Variants in KIF26B observed in about 807,000 individuals in gnomAD.
KIF26B encodes the protein kinesin family member 26B, also known as kinesin-like protein KIF26B.
In KIF26B, 63 loss-of-function variants were observed where a neutral mutation model predicts 151.2. That is an observed-to-expected ratio of 0.42 (90% CI 0.34 to 0.51). The LOEUF is 0.51. Among genes scored for constraint, KIF26B ranks in the 20% least tolerant of loss-of-function variants. KIF26B has a pLI of 0.07. For synonymous variants in KIF26B, 1,357 were observed against 1,262.1 expected, an observed-to-expected ratio of 1.08 and a Z score of -1.59; for missense variants, 2,813 against 2,913.6, an observed-to-expected ratio of 0.97 and a Z score of 0.79.
intron 5 of KIF26B, among the ~76,000 whole-genome samples, chr1:245,543,825 G>A (rs146647619): frequency 0.043 from 6,494 of 152,236 alleles, 235 homozygotes; most frequent in Non-Finnish European, 0.067. Flanking sequence ...GCACGTACCT[G>A]TAATCCCAGC....
rs1553334266 is a variant in KIF26B at position 245,203,255 on chromosome 1, A to AAAAAG, written c.465+46577_465+46581dup. Among the ~76,000 whole-genome samples, 3 of 129,744 alleles carry AAAAAG rather than the reference A, an allele frequency of 2.3e-5. 1 individual carries two copies. Among genetic ancestry groups the AAAAAG allele is most frequent in the Non-Finnish European group, 3.1e-5 (2 of 63,666 alleles). 85.1% of individuals were successfully genotyped at this position (129,744 alleles called of 152,430 possible). ...GAGCGCGACTCTGTCTCAAAAAAAAAAAAAGAAAATGAGTTAAAGTTACAA... is the reference window on the plus strand; with the variant it reads ...GAGCGCGACTCTGTCTCAAAAAAAAAAAAAGAAAAGAAAATGAGTTAAAGTTACAA... On this transcript the variant is annotated intron_variant, in intron 2 of 14. Coordinates refer to ENST00000407071, the MANE Select transcript of KIF26B (RefSeq NM_018012.4).
At chr1:245,211,500 C>A (rs60687008) in intron 2 of KIF26B, among the ~76,000 whole-genome samples, 2,668 of 152,248 alleles carry the variant, frequency 0.018, 71 homozygotes, top group East Asian at 0.13. Context: ...TAGACTCAAG[C>A]AATCCTCCTG....
At chr1:245,229,873 G>A (rs879510685) in intron 2 of KIF26B, among the ~76,000 whole-genome samples, 8 of 152,194 alleles carry the variant, frequency 5.3e-5, no homozygotes, top group Non-Finnish European at 8.8e-5. Flanking sequence ...GGTGGCTCAC[G>A]CCTGTAATCC....
intron 4 of KIF26B, among the ~76,000 whole-genome samples, chr1:245,499,064 C>CT (rs375306847): frequency 4.0e-5 from 6 of 151,340 alleles, no homozygotes; most frequent in South Asian, 2.1e-4. Context: ...CTTGGATTGC[C>CT]TTTTTTTTTA....
rs1661590006 is a variant in KIF26B at position 245,540,533 on chromosome 1, C to G, written c.1167-234C>G. On this transcript the variant is annotated intron_variant, in intron 4 of 14. Coordinates refer to ENST00000407071, the MANE Select transcript of KIF26B (RefSeq NM_018012.4). The surrounding 1 kb of genome is among the most constrained non-coding windows in gnomAD (Gnocchi z 4.6). Reference sequence around the variant, plus strand: ...CATCATTCTTTGTAAATCGTGATTGCAGAATCCTGCTATTTTATGGCTTTG... The same window carrying G: ...CATCATTCTTTGTAAATCGTGATTGGAGAATCCTGCTATTTTATGGCTTTG... 2.9e-6 allele frequency: 2 copies of G among 693,494 alleles called. No individual in the cohort carries two copies. The highest frequency in any genetic ancestry group is 2.6e-6 in the Non-Finnish European group (1 of 379,110). 43.0% of individuals were successfully genotyped at this position (693,494 alleles called of 1,614,324 possible). A position where few individuals can be genotyped will look rare whatever the true frequency, so the allele number is the denominator to read the frequency against.
intron 4 of KIF26B, among the ~76,000 whole-genome samples, chr1:245,445,529 A>G (rs1229541905): frequency 1.3e-5 from 2 of 152,230 alleles, no homozygotes; most frequent in Non-Finnish European, 2.9e-5. Flanking sequence ...GGGGATACAC[A>G]TGGAATAAGA....
chr1:245,499,074 A>G (rs562945351), intron 4 of KIF26B, among the ~76,000 whole-genome samples: 1 of 151,970 alleles, frequency 6.6e-6, no homozygotes, highest in Admixed American at 6.6e-5. Context: ...CTTTTTTTTT[A>G]AAATCAGTTT....
At chr1:245,605,338 C>G (rs536763911) in intron 6 of KIF26B, among the ~76,000 whole-genome samples, 3 of 152,198 alleles carry the variant, frequency 2.0e-5, no homozygotes, top group Admixed American at 6.5e-5. Flanking sequence ...CTGGAGCCCC[C>G]AAGCCTGAAA....
At chr1:245,448,140 C>G (rs375374661) in intron 4 of KIF26B, among the ~76,000 whole-genome samples, 1 of 152,250 alleles carries the variant, frequency 6.6e-6, no homozygotes, top group Non-Finnish European at 1.5e-5. Context: ...AATCTGCTGG[C>G]ACTTTGATCT....
chr1:245,410,051 C>T (rs1674237377), intron 3 of KIF26B, among the ~76,000 whole-genome samples: 1 of 152,200 alleles, frequency 6.6e-6, no homozygotes, highest in Non-Finnish European at 1.5e-5. Context: ...AAGAAGGATG[C>T]AAGTATTACT....
At chr1:245,370,522 C>T in intron 3 of KIF26B, 1 of 443,616 alleles carries the variant, frequency 2.3e-6, no homozygotes, top group South Asian at 1.6e-5. Flanking sequence ...ACATGCCTGG[C>T]TTGTGTGAGC....
chr1:245,483,623 C>T (rs1241365321), intron 4 of KIF26B, among the ~76,000 whole-genome samples: 2 of 151,924 alleles, frequency 1.3e-5, no homozygotes, highest in African/African-American at 4.8e-5. Context: ...CATGTTCCCA[C>T]GGTCCCATTC....
chr1:245,215,350 T>C (rs1669623516), intron 2 of KIF26B, among the ~76,000 whole-genome samples: 1 of 152,026 alleles, frequency 6.6e-6, no homozygotes, highest in Admixed American at 6.5e-5. Flanking sequence ...GGGAGGGTGT[T>C]TTCCAGGACT....
At position 245,606,126 on chromosome 1, in the gene KIF26B, T is replaced by A. The variant is rs980549648; in HGVS notation, c.1558-1525T>A. Among the ~76,000 whole-genome samples the A allele has an allele frequency of 4.6e-5, 7 of 151,036 alleles. No individual in the cohort carries two copies. Among genetic ancestry groups the A allele is most frequent in the African/African-American group, 1.5e-4 (6 of 41,062 alleles). On this transcript the variant is annotated intron_variant, in intron 6 of 14. Transcript: ENST00000407071. The surrounding 1 kb of genome is among the most constrained non-coding windows in gnomAD (Gnocchi z 4.6). Reference sequence around the variant, plus strand: ...CTCTCCTTGCCTAAGTCCTGGGGGGTTTGAAAGATCCTGTGTGCCCTACAG... The same window carrying A: ...CTCTCCTTGCCTAAGTCCTGGGGGGATTGAAAGATCCTGTGTGCCCTACAG...
At chr1:245,679,651 T>C (rs1421228613) in intron 10 of KIF26B, among the ~76,000 whole-genome samples, 1 of 151,962 alleles carries the variant, frequency 6.6e-6, no homozygotes, top group Non-Finnish European at 1.5e-5. Context: ...GTATTTTTAG[T>C]AGAGATGGGG....
chr1:245,246,146 T>C (rs2103562565), intron 2 of KIF26B, among the ~76,000 whole-genome samples: 1 of 151,864 alleles, frequency 6.6e-6, no homozygotes, highest in South Asian at 2.1e-4. Flanking sequence ...TTGTGTGGCT[T>C]TCTTGATCAA....
intron 4 of KIF26B, among the ~76,000 whole-genome samples, chr1:245,472,177 A>C (rs1300869992): frequency 6.6e-6 from 1 of 152,240 alleles, no homozygotes; most frequent in Non-Finnish European, 1.5e-5. Context: ...GGAACCAGCC[A>C]GGCAAAGATC....
chr1:245,442,067 C>T (rs898312512), intron 4 of KIF26B, among the ~76,000 whole-genome samples: 1 of 152,176 alleles, frequency 6.6e-6, no homozygotes, highest in Non-Finnish European at 1.5e-5. Flanking sequence ...AGGTGCCAGG[C>T]ACTGGCTTAG....
chr1:245,184,050 G>GGTTTTTTTTTTTTTTTTTT (rs1668953825), intron 2 of KIF26B, among the ~76,000 whole-genome samples: 1 of 19,804 alleles, frequency 5.0e-5, no homozygotes, highest in African/African-American at 1.5e-4. Context: ...GGGAGTTGTT[G>GGTTTTTTTTTTTTTTTTTT]TTTTTTTTTT....
Sources: gnomAD v4.1 joint callset for allele counts (sites outside exome capture counted in the v4.1 genomes callset) on GRCh38, gnomAD v4.1.1 for gene constraint, Gnocchi (gnomAD v3.1) non-coding constraint, MANE v1.5 for transcripts, NCBI Gene and HGNC (gene_info 2026-07-23, HGNC 2026-07-21) for gene names.